The following RBFOX1 variants were observed in gnomAD, a reference collection of about 807,000 sequenced individuals.
RBFOX1 encodes RNA binding fox-1 homolog 1.
RBFOX1 carries 8 observed loss-of-function variants against 57.7 expected under a neutral mutation model. The observed-to-expected ratio is 0.14, with a 90% CI of 0.08 to 0.25. RBFOX1 has a LOEUF of 0.25. RBFOX1 is among the 10% of genes least tolerant of loss of function. The pLI, the probability that RBFOX1 is intolerant of heterozygous loss-of-function variation, is 1.00. For missense variants in RBFOX1, 611 were observed against 548.5 expected (o/e 1.11, Z -1.14); for synonymous variants, 326 against 222.4 (o/e 1.47, Z -4.15).
intron 4 of RBFOX1, among the ~76,000 whole-genome samples, chr16:7,094,892 C>G (rs989856172): frequency 2.6e-5 from 4 of 151,972 alleles, no homozygotes; most frequent in Middle Eastern, 3.2e-3. Context: ...TCTCTTTAAT[C>G]ACACAGACTT....
At chr16:6,590,775 T>C (rs977174802) in intron 2 of RBFOX1, among the ~76,000 whole-genome samples, 1 of 152,126 alleles carries the variant, frequency 6.6e-6, no homozygotes, top group Non-Finnish European at 1.5e-5. Flanking sequence ...GGGATGGGTG[T>C]TTGATAATTA....
intron 4 of RBFOX1, among the ~76,000 whole-genome samples, chr16:7,314,591 G>C (rs941944198): frequency 4.6e-5 from 7 of 152,328 alleles, no homozygotes; most frequent in Non-Finnish European, 8.8e-5. Flanking sequence ...TTGTTTCACA[G>C]TGGCATCACG....
chr16:7,055,979 C>A (rs920400863), intron 4 of RBFOX1, among the ~76,000 whole-genome samples: 6 of 152,210 alleles, frequency 3.9e-5, no homozygotes, highest in African/African-American at 1.4e-4. Context: ...CAGGTCACAT[C>A]TTCCATCCTA....
intron 4 of RBFOX1, among the ~76,000 whole-genome samples, chr16:7,221,038 C>T (rs897626959): frequency 6.6e-6 from 1 of 152,260 alleles, no homozygotes; most frequent in African/African-American, 2.4e-5. Context: ...GATGTACTGT[C>T]TAACTAGTAG....
chr16:6,925,016 C>T lies in RBFOX1; in HGVS notation c.-15-127041C>T, dbSNP rs1408566114. ...TCCATGTCCGTACAAAGGACATGAA[C>T]TCATCATTTTTTATGGCTGCATAAT... On this transcript the variant is annotated intron_variant, in intron 3 of 15. Coordinates refer to ENST00000550418, the MANE Select transcript of RBFOX1 (RefSeq NM_018723.4). 2.0e-5 allele frequency among the ~76,000 whole-genome samples: 3 copies of T among 147,696 alleles called. No homozygotes were observed. In the Admixed American group the frequency reaches 2.1e-4, roughly 10 times the overall value.
chr16:6,902,159 C>T (rs2068651817), intron 3 of RBFOX1, among the ~76,000 whole-genome samples: 2 of 152,056 alleles, frequency 1.3e-5, no homozygotes, highest in African/African-American at 4.8e-5. Flanking sequence ...GCTTTTCGTA[C>T]CTGGGATATT....
intron 4 of RBFOX1, among the ~76,000 whole-genome samples, chr16:5,911,454 A>T (rs1229838078): frequency 6.6e-6 from 1 of 152,178 alleles, no homozygotes; most frequent in Non-Finnish European, 1.5e-5. Flanking sequence ...TTCACGCTTC[A>T]TCCCCACAGT....
chr16:7,224,580 C>A (rs2092970077), intron 4 of RBFOX1, among the ~76,000 whole-genome samples: 1 of 152,080 alleles, frequency 6.6e-6, no homozygotes, highest in Admixed American at 6.6e-5. Context: ...TCTAAACTTT[C>A]AGATTTTCAG....
At chr16:5,384,225 C>G (rs571561454) in intron 1 of RBFOX1, among the ~76,000 whole-genome samples, 210 of 152,258 alleles carry the variant, frequency 1.4e-3, no homozygotes, top group African/African-American at 4.9e-3. Context: ...TTGCAGAGGT[C>G]AGGGTGGAGT....
At chr16:6,947,277 A>G (rs1196246117) in intron 3 of RBFOX1, among the ~76,000 whole-genome samples, 1 of 152,044 alleles carries the variant, frequency 6.6e-6, no homozygotes, top group Non-Finnish European at 1.5e-5. Context: ...TTTCACCTTG[A>G]TTTTGGAGTA....
chr16:7,373,318 A>G (rs2097607892), intron 4 of RBFOX1, among the ~76,000 whole-genome samples: 1 of 152,158 alleles, frequency 6.6e-6, no homozygotes, highest in Admixed American at 6.5e-5. Context: ...TTAGAACATA[A>G]AGATCACAAT....
At chr16:6,699,727 G>A (rs1450566106) in intron 3 of RBFOX1, among the ~76,000 whole-genome samples, 2 of 152,176 alleles carry the variant, frequency 1.3e-5, no homozygotes, top group Non-Finnish European at 2.9e-5. Context: ...GATCAGGCAT[G>A]GCCGTTGCCT....
chr16:7,111,264 G>GA (rs1178221212), intron 4 of RBFOX1, among the ~76,000 whole-genome samples: 5 of 151,884 alleles, frequency 3.3e-5, no homozygotes, highest in African/African-American at 1.2e-4. Flanking sequence ...CCGTAAAAGT[G>GA]AAAGTGTAAA....
At chr16:6,434,112 T>C (rs1280998871) in intron 2 of RBFOX1, among the ~76,000 whole-genome samples, 1 of 152,038 alleles carries the variant, frequency 6.6e-6, no homozygotes, top group Non-Finnish European at 1.5e-5. Context: ...CCTCCGAAAA[T>C]CTTGAGGTTA....
At chr16:5,941,663 C>T (rs893296030) in intron 4 of RBFOX1, among the ~76,000 whole-genome samples, 5 of 152,058 alleles carry the variant, frequency 3.3e-5, no homozygotes, top group Non-Finnish European at 4.4e-5. Flanking sequence ...GGAAGACCTA[C>T]TGGGGCATCC....
chr16:5,293,045 G>A (rs886819137), intron 1 of RBFOX1, among the ~76,000 whole-genome samples: 1 of 152,136 alleles, frequency 6.6e-6, no homozygotes, highest in Non-Finnish European at 1.5e-5. Flanking sequence ...TGGAGGCTGG[G>A]CACTGTGGCT....
intron 4 of RBFOX1, among the ~76,000 whole-genome samples, chr16:7,218,824 G>C (rs1340962401): frequency 6.6e-6 from 1 of 151,888 alleles, no homozygotes; most frequent in Non-Finnish European, 1.5e-5. Flanking sequence ...AGAAGTATCA[G>C]AAGTTGCTGC....
intron 1 of RBFOX1, among the ~76,000 whole-genome samples, chr16:6,225,073 C>T (rs1437801210): frequency 1.3e-5 from 2 of 150,372 alleles, no homozygotes; most frequent in East Asian, 3.9e-4. Flanking sequence ...TTGGGGCTGT[C>T]CCCAGTCCTG....
At chr16:7,657,388 T>C (rs1470823894) in intron 12 of RBFOX1, among the ~76,000 whole-genome samples, 3 of 152,180 alleles carry the variant, frequency 2.0e-5, no homozygotes, top group Admixed American at 6.5e-5. Context: ...CACTGCAACC[T>C]CCACCTCCTG....
Sources: allele counts gnomAD v4.1 joint callset (sites outside exome capture counted in the v4.1 genomes callset), GRCh38; gene constraint gnomAD v4.1.1; transcripts MANE v1.5; gene names NCBI Gene and HGNC (gene_info 2026-07-23, HGNC 2026-07-21).